Variants in TMEM266 observed in about 807,000 individuals in gnomAD.
TMEM266 encodes transmembrane protein 266, also known as Hv1 related protein 1.
TMEM266 carries 33 observed loss-of-function variants against 50.5 expected under a neutral mutation model. That is an observed-to-expected ratio of 0.65 (90% CI 0.50 to 0.87). The LOEUF (loss-of-function observed/expected upper bound fraction) is 0.87. Among genes scored for constraint, TMEM266 ranks in the 40% least tolerant of loss-of-function variants. The probability of loss-of-function intolerance (pLI) is 0.00; values close to 1 mark genes in which losing one functional copy is unlikely to be tolerated. For missense variants in TMEM266, 655 were observed against 695.1 expected (o/e 0.94, Z 0.65); for synonymous variants, 310 against 292.3 (o/e 1.06, Z -0.62).
intron 9 of TMEM266, among the ~76,000 whole-genome samples, 154 bp from the exon 10 acceptor site, chr15:76,202,048 C>G (rs2038756246): frequency 6.6e-6 from 1 of 152,196 alleles, no homozygotes; most frequent in African/African-American, 2.4e-5. Flanking sequence ...GACAGGTGGT[C>G]CCCATGGAGA....
intron 8 of TMEM266, among the ~76,000 whole-genome samples, chr15:76,177,908 T>C (rs1046679250): frequency 6.6e-6 from 1 of 152,194 alleles, no homozygotes; most frequent in Non-Finnish European, 1.5e-5. Flanking sequence ...CTGTATCACA[T>C]GGGCACGTCC....
At chr15:76,129,945 C>T (rs985878094) in intron 1 of TMEM266, among the ~76,000 whole-genome samples, 1 of 151,894 alleles carries the variant, frequency 6.6e-6, no homozygotes, top group Admixed American at 6.6e-5. Context: ...AAATCCTGGC[C>T]AGGCATGGTG....
At chr15:76,083,111 C>T (rs529126993) in intron 1 of TMEM266, among the ~76,000 whole-genome samples, 1 of 152,128 alleles carries the variant, frequency 6.6e-6, no homozygotes, top group African/African-American at 2.4e-5. Context: ...TAGTTCCCAC[C>T]TCCAACACTG....
intron 4 of TMEM266, among the ~76,000 whole-genome samples, chr15:76,158,786 T>C (rs115609569): frequency 0.014 from 2,200 of 152,316 alleles, 34 homozygotes; most frequent in African/African-American, 0.051. Flanking sequence ...CTGGTATTCA[T>C]GTGGCCTGAC....
intron 1 of TMEM266, among the ~76,000 whole-genome samples, chr15:76,096,125 C>A (rs2036917501): frequency 6.6e-6 from 1 of 151,972 alleles, no homozygotes; most frequent in African/African-American, 2.4e-5. Flanking sequence ...CAGTTCTGCT[C>A]TAATCTTAGT....
intron 1 of TMEM266, 135 bp from the exon 2 acceptor site, chr15:76,134,033 G>A (rs1036783562): frequency 2.3e-6 from 1 of 435,140 alleles, no homozygotes; most frequent in Non-Finnish European, 4.1e-6. Context: ...TAGGGTAATT[G>A]TAAGAATCTA....
chr15:76,184,775 G>A (rs752817720), intron 8 of TMEM266, among the ~76,000 whole-genome samples: 2 of 152,198 alleles, frequency 1.3e-5, no homozygotes, highest in East Asian at 1.9e-4. Context: ...GCCCGGCCCC[G>A]ATGGAAGGGG....
chr15:76,103,928 C>G (rs1384978313), intron 1 of TMEM266, among the ~76,000 whole-genome samples: 1 of 146,514 alleles, frequency 6.8e-6, no homozygotes, highest in East Asian at 1.9e-4. Flanking sequence ...AAAAAAAATG[C>G]CAGGGGCAGT....
intron 1 of TMEM266, among the ~76,000 whole-genome samples, chr15:76,068,537 G>A (rs1176147542): frequency 6.6e-6 from 1 of 152,208 alleles, no homozygotes; most frequent in East Asian, 1.9e-4. Context: ...TCAGGAGATA[G>A]GGTCTTTAGG....
At chr15:76,088,027 A>C (rs981411348) in intron 1 of TMEM266, among the ~76,000 whole-genome samples, 2 of 152,138 alleles carry the variant, frequency 1.3e-5, no homozygotes, top group African/African-American at 4.8e-5. Context: ...ATTTTCTCCT[A>C]GGCTTTTGTG....
chr15:76,195,844 C>T (rs748126971), intron 9 of TMEM266, among the ~76,000 whole-genome samples: 23 of 152,328 alleles, frequency 1.5e-4, no homozygotes, highest in South Asian at 4.1e-4. Context: ...CACAGGGGAG[C>T]CAAGATCTGG....
intron 8 of TMEM266, among the ~76,000 whole-genome samples, chr15:76,183,866 T>G (rs942739510): frequency 2.0e-5 from 3 of 152,146 alleles, no homozygotes; most frequent in Non-Finnish European, 4.4e-5. Flanking sequence ...ACGCCCCCCC[T>G]CCATCCCCTT....
intron 1 of TMEM266, among the ~76,000 whole-genome samples, chr15:76,093,592 A>G (rs1293726269): frequency 6.6e-6 from 1 of 152,044 alleles, no homozygotes; most frequent in Admixed American, 6.6e-5. Flanking sequence ...ATGTGTCTTT[A>G]TAGTAGCATG....
chr15:76,088,768 G>A (rs2036808549), intron 1 of TMEM266, among the ~76,000 whole-genome samples: 1 of 151,098 alleles, frequency 6.6e-6, no homozygotes, highest in Admixed American at 6.6e-5. Flanking sequence ...CTGCACTCCA[G>A]CCTGGGCTAC....
At chr15:76,199,945 TG>T (rs2038718494) in intron 9 of TMEM266, among the ~76,000 whole-genome samples, 1 of 152,160 alleles carries the variant, frequency 6.6e-6, no homozygotes, top group African/African-American at 2.4e-5. Flanking sequence ...TGAGTAGAAA[TG>T]GGCTTGTCCT....
In TMEM266 at chr15:76,113,962, A is replaced by G. The variant is rs571676945; in HGVS notation, c.-96-20206A>G. The G allele has an allele frequency of 7.2e-4, 110 of 152,288 alleles. 1 individual carries two copies. The highest frequency in any genetic ancestry group is 2.6e-3 in the African/African-American group (108 of 41,542). The allele number at this position is 152,288 out of a possible 1,614,324, so 9.4% of individuals were successfully genotyped here. On this transcript the variant is annotated intron_variant, in intron 1 of 10. Coordinates refer to ENST00000388942, the MANE Select transcript of TMEM266 (RefSeq NM_152335.3). ...GCCTGAAGCAAGATGCCCAGCGGTA[A>G]GAACACCCATCAGGAGGCTACTTCA...
chr15:76,188,526 C>T (rs1446538622), intron 8 of TMEM266, among the ~76,000 whole-genome samples: 2 of 152,120 alleles, frequency 1.3e-5, no homozygotes, highest in African/African-American at 2.4e-5. Context: ...TCACTTGAAC[C>T]CACGAGACAG....
chr15:76,197,197 A>G (rs2038669508), intron 9 of TMEM266, among the ~76,000 whole-genome samples: 1 of 152,196 alleles, frequency 6.6e-6, no homozygotes, highest in Admixed American at 6.5e-5. Context: ...AAGGCTTTCC[A>G]CTGGCCTCTA....
chr15:76,138,164 G>C (rs2037621113), intron 3 of TMEM266, among the ~76,000 whole-genome samples: 1 of 143,082 alleles, frequency 7.0e-6, no homozygotes, highest in East Asian at 2.1e-4. Flanking sequence ...GGAGGTTGCA[G>C]TGAGCTGAAA....
Sources: gnomAD v4.1 joint callset for allele counts (sites outside exome capture counted in the v4.1 genomes callset) on GRCh38, gnomAD v4.1.1 for gene constraint, MANE v1.5 for transcripts, NCBI Gene and HGNC (gene_info 2026-07-23, HGNC 2026-07-21) for gene names.